PAK3: variants seen among roughly 807,000 people sequenced by gnomAD.
PAK3 encodes serine/threonine-protein kinase PAK 3.
A neutral mutation model predicts 41.0 loss-of-function variants in PAK3; 4 were observed. The observed-to-expected ratio is 0.10, with a 90% CI of 0.05 to 0.22. PAK3 has a LOEUF of 0.22. Ranked by LOEUF, PAK3 falls within the 10% of genes least tolerant of loss-of-function variation. The pLI, the probability that PAK3 is intolerant of heterozygous loss-of-function variation, is 1.00. For synonymous variants in PAK3, 146 were observed against 139.6 expected (o/e 1.05, Z -0.32); for missense variants, 205 against 409.9 (o/e 0.50, Z 4.32).
chrX:111,162,171 T>C (rs1449537622), intron 8 of PAK3, among the ~76,000 whole-genome samples: 1 of 111,999 alleles, frequency 8.9e-6, no homozygotes, highest in Non-Finnish European at 1.9e-5. Context: ...CCACAGTTCT[T>C]TCAAAATCCA....
chrX:111,027,337 A>G lies in PAK3; in HGVS notation c.-28+82709A>G, dbSNP rs1017465103. Among the ~76,000 whole-genome samples, 11 of 112,420 alleles carry G rather than the reference A, an allele frequency of 9.8e-5. No homozygotes were observed. In the Admixed American group the frequency reaches 1.0e-3, roughly 11 times the overall value. On this transcript the variant is annotated intron_variant, in intron 1 of 14. Transcript: ENST00000425146. ...TAGATGGGACTTAACTCAACTAAAA[A>G]GCTTCTGCACAGCAAAATAAATAAT...
At chrX:110,985,893 C>CA (rs2091534303) in intron 1 of PAK3, among the ~76,000 whole-genome samples, 2 of 111,573 alleles carry the variant, frequency 1.8e-5, no homozygotes, top group South Asian at 7.7e-4. Context: ...AGAACAGTCT[C>CA]ATTTCCACTG....
In PAK3 at chrX:111,221,004, A is replaced by T. The variant is rs1186373800; in HGVS notation, c.*557A>T. On this transcript the variant is annotated 3_prime_UTR_variant, in exon 18 of 18. Coordinates refer to ENST00000372007, the MANE Select transcript of PAK3 (RefSeq NM_002578.5). ...CAAAACAAAAACAAGCAAACAAAAA[A>T]TACCAGAGCAAGTACTGTGTGAACA... The T allele has an allele frequency of 8.8e-6, 1 of 113,575 alleles. No homozygotes were observed. The highest frequency in any genetic ancestry group is 2.8e-4 in the East Asian group (1 of 3,627). The allele number at this position is 113,575 out of a possible 1,213,427, so 9.4% of individuals were successfully genotyped here.
intron 1 of PAK3, among the ~76,000 whole-genome samples, chrX:111,063,036 C>T (rs974945969): frequency 8.9e-6 from 1 of 111,792 alleles, no homozygotes; most frequent in Non-Finnish European, 1.9e-5. Flanking sequence ...CTGGAATAAC[C>T]AGTGGCTGAA....
chrX:110,951,418 C>T (rs1226090250), intron 1 of PAK3, among the ~76,000 whole-genome samples: 1 of 112,268 alleles, frequency 8.9e-6, no homozygotes, highest in Non-Finnish European at 1.9e-5. Flanking sequence ...ACAGTTGGCT[C>T]ATTATTTCCT....
intron 7 of PAK3, among the ~76,000 whole-genome samples, chrX:111,150,711 A>C (rs763060334): frequency 5.4e-5 from 6 of 111,971 alleles, no homozygotes; most frequent in Admixed American, 2.8e-4. Flanking sequence ...GAATTCTGGG[A>C]GATATAATTC....
intron 17 of PAK3, 24 bp downstream of exon 17, chrX:111,216,582 C>T (rs775658336): frequency 8.8e-7 from 1 of 1,138,673 alleles, no homozygotes; most frequent in Non-Finnish European, 1.2e-6. Flanking sequence ...AGGACAATTA[C>T]AAAGAGAGGC....
At chrX:111,051,555 C>T (rs1332618753) in intron 1 of PAK3, among the ~76,000 whole-genome samples, 2 of 111,865 alleles carry the variant, frequency 1.8e-5, no homozygotes, top group Non-Finnish European at 3.8e-5. Context: ...AGCTAATAAT[C>T]TCCATAAGCT....
At chrX:110,989,578 G>A (rs2091606842) in intron 1 of PAK3, among the ~76,000 whole-genome samples, 1 of 112,160 alleles carries the variant, frequency 8.9e-6, no homozygotes, top group Non-Finnish European at 1.9e-5. Context: ...GATCCAGATA[G>A]AGTCCAAGGT....
At chrX:111,141,201 G>A (rs767488364) in intron 5 of PAK3, among the ~76,000 whole-genome samples, 44 of 111,625 alleles carry the variant, frequency 3.9e-4, no homozygotes, top group East Asian at 5.6e-4. Flanking sequence ...TTCCTCCTGG[G>A]AACTATTTCC....
chrX:111,170,413 T>C (rs2094322677), intron 10 of PAK3, among the ~76,000 whole-genome samples: 1 of 110,883 alleles, frequency 9.0e-6, no homozygotes, highest in Admixed American at 9.6e-5. Flanking sequence ...AATGTTTAAC[T>C]GATTATTTTT....
At chrX:111,080,219 G>C (rs1483598401) in intron 1 of PAK3, among the ~76,000 whole-genome samples, 2 of 111,698 alleles carry the variant, frequency 1.8e-5, no homozygotes, top group African/African-American at 3.3e-5. Flanking sequence ...ATGCTACAGA[G>C]AAATCTTTCA....
intron 11 of PAK3, among the ~76,000 whole-genome samples, chrX:111,190,933 G>C (rs780002029): frequency 8.9e-6 from 1 of 112,008 alleles, no homozygotes; most frequent in Non-Finnish European, 1.9e-5. Flanking sequence ...TTTCTTGAAG[G>C]TGTTGGTGGG....
intron 5 of PAK3, among the ~76,000 whole-genome samples, chrX:111,132,181 C>T (rs1374970409): frequency 9.1e-6 from 1 of 110,315 alleles, no homozygotes; most frequent in Non-Finnish European, 1.9e-5. Context: ...TAAAGAGTAA[C>T]GAAGTCACTA....
intron 7 of PAK3, among the ~76,000 whole-genome samples, chrX:111,149,430 C>T (rs948315399): frequency 2.7e-5 from 3 of 112,449 alleles, no homozygotes; most frequent in Non-Finnish European, 5.6e-5. Flanking sequence ...TCTGAGCCCA[C>T]ATTTCCCTTC....
chrX:110,981,646 A>C (rs2091449802), intron 1 of PAK3, among the ~76,000 whole-genome samples: 1 of 109,569 alleles, frequency 9.1e-6, no homozygotes, highest in Non-Finnish European at 1.9e-5. Context: ...AGTACGTGGA[A>C]ATTCCTTGTA....
intron 8 of PAK3, among the ~76,000 whole-genome samples, chrX:111,162,527 G>T (rs1050986378): frequency 2.7e-5 from 3 of 111,865 alleles, no homozygotes; most frequent in African/African-American, 9.7e-5. Context: ...TTGACAAACT[G>T]TCAATCAATA....
At chrX:111,014,917 T>C (rs1249519593) in intron 1 of PAK3, among the ~76,000 whole-genome samples, 1 of 111,498 alleles carries the variant, frequency 9.0e-6, no homozygotes, top group Admixed American at 9.5e-5. Flanking sequence ...TTTTATGTGC[T>C]CCTTCTGGCT....
chrX:111,090,102 G>A (rs1370287363), intron 1 of PAK3, among the ~76,000 whole-genome samples: 1 of 110,469 alleles, frequency 9.1e-6, no homozygotes, highest in Admixed American at 9.7e-5. Context: ...AATGAAAGTC[G>A]CAAGCAGAAA....
Sources: gnomAD v4.1 joint callset for allele counts (sites outside exome capture counted in the v4.1 genomes callset) on GRCh38, gnomAD v4.1.1 for gene constraint, MANE v1.5 for transcripts, NCBI Gene and HGNC (gene_info 2026-07-23, HGNC 2026-07-21) for gene names.